NOX4: variants seen among roughly 807,000 people sequenced by gnomAD.
The protein encoded by NOX4 is NADPH oxidase 4, also known as kidney oxidase-1.
In NOX4, 69 loss-of-function variants were observed where a neutral mutation model predicts 87.6. The ratio of observed to expected loss-of-function variants is 0.79; its 90% CI spans 0.65 to 0.96. NOX4 has a LOEUF of 0.96. Among genes scored for constraint, NOX4 ranks in the 40% least tolerant of loss-of-function variants. The pLI is 0.00. For missense variants in NOX4, 680 were observed against 681.5 expected (o/e 1.00, Z 0.02); for synonymous variants, 275 against 238.2 (o/e 1.15, Z -1.42).
intron 6 of NOX4, among the ~76,000 whole-genome samples, chr11:89,438,803 T>A (rs185821763): frequency 0.068 from 1,400 of 20,684 alleles, 68 homozygotes; most frequent in African/African-American, 0.27. Context: ...TATAATATAT[T>A]ATATATTATA....
rs1215297326 is a variant in NOX4 at position 89,438,856 on chromosome 11, T to C, written c.475+1832A>G. On this transcript the variant is annotated intron_variant, in intron 6 of 17. Coordinates refer to ENST00000263317, the MANE Select transcript of NOX4 (RefSeq NM_016931.5). ...TATATATTATATATATTATATAATATATTATATATTATATATATAATATAT... is the reference window on the plus strand; with the variant it reads ...TATATATTATATATATTATATAATACATTATATATTATATATATAATATAT... Among the ~76,000 whole-genome samples, 6 of 45,306 alleles carry C rather than the reference T, an allele frequency of 1.3e-4. No individual in the cohort carries two copies. In the South Asian group the frequency reaches 2.4e-3, roughly 18 times the overall value. 29.7% of individuals were successfully genotyped at this position (45,306 alleles called of 152,430 possible). A position where few individuals can be genotyped will look rare whatever the true frequency, so the allele number is the denominator to read the frequency against.
At chr11:89,475,316 A>G (rs1180840118) in intron 2 of NOX4, among the ~76,000 whole-genome samples, 1 of 152,080 alleles carries the variant, frequency 6.6e-6, no homozygotes, top group African/African-American at 2.4e-5. Flanking sequence ...AATATAAAAC[A>G]GTTATAAGAA....
chr11:89,374,981 C>A (rs1157814930), intron 11 of NOX4, among the ~76,000 whole-genome samples: 4 of 151,982 alleles, frequency 2.6e-5, no homozygotes, highest in Admixed American at 6.6e-5. Context: ...ATGTTAACAA[C>A]TCATTAGGCA....
At chr11:89,547,232 T>TG in the NOX4 span, among the ~76,000 whole-genome samples, 484 of 151,648 alleles carry the variant, frequency 3.2e-3, 3 homozygotes, top group African/African-American at 0.01. Flanking sequence ...TAGAATCACA[T>TG]GGGGGGGGAC....
chr11:89,377,266 A>C (rs508115), intron 11 of NOX4, among the ~76,000 whole-genome samples: 1 of 152,290 alleles, frequency 6.6e-6, no homozygotes, highest in Non-Finnish European at 1.5e-5. Flanking sequence ...AATAATTTTA[A>C]GTATTTTGAA....
chr11:89,444,827 C>T (rs774058281), intron 4 of NOX4, among the ~76,000 whole-genome samples: 30 of 152,044 alleles, frequency 2.0e-4, no homozygotes, highest in Non-Finnish European at 3.7e-4. Context: ...AAACAATAAT[C>T]ACAATAAACA....
intron 1 of NOX4, 68 bp from the exon 2 acceptor site, chr11:89,490,621 C>G (rs1003943283): frequency 1.8e-6 from 2 of 1,135,226 alleles, no homozygotes; most frequent in African/African-American, 1.5e-5. Flanking sequence ...TGAATAGAAA[C>G]CACAGGTAAA....
intron 15 of NOX4, among the ~76,000 whole-genome samples, chr11:89,338,638 T>C (rs1177306250): frequency 6.6e-6 from 1 of 152,118 alleles, no homozygotes; most frequent in African/African-American, 2.4e-5. Context: ...TTTCTCTTGC[T>C]TACTCTGCTT....
At chr11:89,437,204 A>C (rs1201118192) in intron 6 of NOX4, among the ~76,000 whole-genome samples, 1 of 151,934 alleles carries the variant, frequency 6.6e-6, no homozygotes, top group Admixed American at 6.6e-5. Flanking sequence ...CTACTAAAAA[A>C]AAAATACAAA....
intron 9 of NOX4, among the ~76,000 whole-genome samples, chr11:89,401,230 C>T (rs1941833781): frequency 6.6e-6 from 1 of 152,078 alleles, no homozygotes; most frequent in Non-Finnish European, 1.5e-5. Flanking sequence ...TTTAGCCCCA[C>T]ACTGTGTTAT....
chr11:89,576,535 A>C, the NOX4 span, among the ~76,000 whole-genome samples: 2 of 152,196 alleles, frequency 1.3e-5, no homozygotes, highest in South Asian at 4.1e-4. Flanking sequence ...GCTTCTTCTT[A>C]TATTTTTATA....
At chr11:89,587,323 T>C in the NOX4 span, among the ~76,000 whole-genome samples, 2 of 152,084 alleles carry the variant, frequency 1.3e-5, no homozygotes, top group Non-Finnish European at 2.9e-5. Context: ...ATTAAGGAGA[T>C]GGAAAACATT....
intron 7 of NOX4, among the ~76,000 whole-genome samples, chr11:89,425,852 C>A (rs1591199499): frequency 6.6e-6 from 1 of 152,096 alleles, no homozygotes; most frequent in East Asian, 1.9e-4. Context: ...ACTTTCAAAG[C>A]ATATATACAT....
At chr11:89,474,612 A>G in intron 2 of NOX4, among the ~76,000 whole-genome samples, 1 of 152,048 alleles carries the variant, frequency 6.6e-6, no homozygotes, top group East Asian at 1.9e-4. Flanking sequence ...AGTAATATCC[A>G]TCCAGATTAC....
At chr11:89,409,400 G>T (rs1942359147) in intron 8 of NOX4, among the ~76,000 whole-genome samples, 1 of 152,146 alleles carries the variant, frequency 6.6e-6, no homozygotes, top group African/African-American at 2.4e-5. Context: ...CAGTTTGGAA[G>T]TTTAAGAAAA....
chr11:89,514,522 C>T, the NOX4 span, among the ~76,000 whole-genome samples: 1 of 151,832 alleles, frequency 6.6e-6, no homozygotes, highest in African/African-American at 2.4e-5. Flanking sequence ...TTTCTGACTA[C>T]AAACTCTAGT....
chr11:89,326,652 T>C lies in NOX4; in HGVS notation c.*104A>G. The C allele has an allele frequency of 3.3e-6, 3 of 910,438 alleles. No homozygotes were observed. The highest frequency in any genetic ancestry group is 4.9e-6 in the Non-Finnish European group (3 of 612,490). The allele number at this position is 910,438 out of a possible 1,614,324, so 56.4% of individuals were successfully genotyped here. On this transcript the variant is annotated 3_prime_UTR_variant, in exon 18 of 18. Coordinates refer to ENST00000263317, the MANE Select transcript of NOX4 (RefSeq NM_016931.5). ...TTAAATAATCATAAATAAGAAAACC[T>C]TACTATTCTTTGGCATAACACAGCT...
At chr11:89,510,092 C>T in the NOX4 span, among the ~76,000 whole-genome samples, 88,258 of 151,796 alleles carry the variant, frequency 0.58, 26,651 homozygotes, top group Non-Finnish European at 0.7. Flanking sequence ...TATTATAAGG[C>T]ATAAAAAGGC....
At chr11:89,512,044 T>C in the NOX4 span, among the ~76,000 whole-genome samples, 3 of 152,228 alleles carry the variant, frequency 2.0e-5, no homozygotes, top group South Asian at 6.2e-4. Context: ...TTGAATTTTT[T>C]ACCTGATATG....
Sources: allele counts gnomAD v4.1 joint callset (sites outside exome capture counted in the v4.1 genomes callset), GRCh38; gene constraint gnomAD v4.1.1; transcripts MANE v1.5; gene names NCBI Gene and HGNC (gene_info 2026-07-23, HGNC 2026-07-21).